The following CADM1 variants were observed in gnomAD, a reference collection of about 807,000 sequenced individuals.
CADM1 encodes TSLC-1.
A neutral mutation model predicts 53.1 loss-of-function variants in CADM1; 15 were observed. The observed-to-expected ratio is 0.28, with a 90% CI of 0.19 to 0.44. CADM1 has a LOEUF of 0.44. Among genes scored for constraint, CADM1 ranks in the 20% least tolerant of loss-of-function variants. The probability of loss-of-function intolerance (pLI) is 1.00; values close to 1 mark genes in which losing one functional copy is unlikely to be tolerated. For synonymous variants in CADM1, 281 were observed against 243.0 expected (o/e 1.16, Z -1.45); for missense variants, 434 against 611.3 (o/e 0.71, Z 3.06).
At chr11:115,192,828 T>C (rs1939947023) in intron 9 of CADM1, among the ~76,000 whole-genome samples, 1 of 152,256 alleles carries the variant, frequency 6.6e-6, no homozygotes, top group Non-Finnish European at 1.5e-5. Flanking sequence ...ACAGTTGATA[T>C]ACACCTCATT....
At chr11:115,455,391 G>C (rs1443451864) in intron 1 of CADM1, among the ~76,000 whole-genome samples, 2 of 147,966 alleles carry the variant, frequency 1.4e-5, no homozygotes, top group South Asian at 2.1e-4. Flanking sequence ...TACTTCAAAG[G>C]CAAAAAAAAA....
intron 1 of CADM1, among the ~76,000 whole-genome samples, chr11:115,500,872 G>A (rs1323441581): frequency 6.6e-6 from 1 of 152,150 alleles, no homozygotes; most frequent in Admixed American, 6.6e-5. Flanking sequence ...GCAGTGAGCC[G>A]GGGACCAACT....
intron 1 of CADM1, among the ~76,000 whole-genome samples, chr11:115,307,207 C>T (rs1565355641): frequency 6.6e-6 from 1 of 151,856 alleles, no homozygotes; most frequent in South Asian, 2.1e-4. Flanking sequence ...TAGATATGCC[C>T]CTAACCCATT....
At chr11:115,270,100 C>T (rs1943255565) in intron 1 of CADM1, among the ~76,000 whole-genome samples, 1 of 152,216 alleles carries the variant, frequency 6.6e-6, no homozygotes, top group Non-Finnish European at 1.5e-5. Context: ...ATTTAAGTAG[C>T]ACAGCAGGCC....
chr11:115,227,768 G>A (rs1269963713), intron 5 of CADM1, among the ~76,000 whole-genome samples: 1 of 152,194 alleles, frequency 6.6e-6, no homozygotes, highest in African/African-American at 2.4e-5. Context: ...ACGGAGTTAA[G>A]AAAAGGTTGG....
At chr11:115,479,348 A>T (rs1394613658) in intron 1 of CADM1, among the ~76,000 whole-genome samples, 1 of 152,144 alleles carries the variant, frequency 6.6e-6, no homozygotes, top group African/African-American at 2.4e-5. Context: ...AATACTTTTA[A>T]ATCCCACTTT....
In CADM1 at chr11:115,391,872, A is replaced by T. The variant is rs115243407; in HGVS notation, c.124+112399T>A. Among the ~76,000 whole-genome samples the T allele has an allele frequency of 3.2e-3, 482 of 152,304 alleles. 2 individuals are homozygous for T. Among genetic ancestry groups the T allele is most frequent in the African/African-American group, 0.011 (454 of 41,554 alleles). ...AGATCAACTTACAGACCCCTTCAAC[A>T]GTGTACAGCAGGGCTCTGGACCAAG... On this transcript the variant is annotated intron_variant, in intron 1 of 11. Coordinates refer to ENST00000331581, the MANE Select transcript of CADM1 (RefSeq NM_001301043.2).
intron 1 of CADM1, among the ~76,000 whole-genome samples, chr11:115,285,981 G>C (rs762171393): frequency 6.6e-6 from 1 of 152,070 alleles, no homozygotes; most frequent in African/African-American, 2.4e-5. Context: ...GTTTTGAGGG[G>C]AAAATGAAAT....
intron 3 of CADM1, among the ~76,000 whole-genome samples, chr11:115,234,872 G>A (rs961394846): frequency 4.1e-5 from 5 of 122,532 alleles, no homozygotes; most frequent in Admixed American, 1.2e-4. Flanking sequence ...CAGCCTGGGC[G>A]ACACAGGGAG....
intron 1 of CADM1, among the ~76,000 whole-genome samples, chr11:115,462,796 C>T (rs915159880): frequency 4.6e-5 from 7 of 152,176 alleles, no homozygotes; most frequent in African/African-American, 1.7e-4. Context: ...AAGAGAGGCC[C>T]TTCCAGTTTG....
At chr11:115,194,156 T>G (rs1020398656) in intron 9 of CADM1, 3 of 152,238 alleles carry the variant, frequency 2.0e-5, no homozygotes, top group African/African-American at 7.2e-5. Context: ...CGTGACTGAA[T>G]GACAGCCTTT....
At chr11:115,439,425 T>C (rs1238658092) in intron 1 of CADM1, among the ~76,000 whole-genome samples, 2 of 152,198 alleles carry the variant, frequency 1.3e-5, no homozygotes, top group Admixed American at 6.5e-5. Flanking sequence ...ACTTCAAACA[T>C]CTTTGCCTCC....
intron 1 of CADM1, among the ~76,000 whole-genome samples, chr11:115,326,516 C>A (rs575463722): frequency 1.6e-4 from 24 of 152,256 alleles, no homozygotes; most frequent in Non-Finnish European, 2.2e-4. Context: ...CACTAAATAT[C>A]TTCTCAAACC....
chr11:115,484,604 A>G (rs1283417793), intron 1 of CADM1, among the ~76,000 whole-genome samples: 1 of 152,180 alleles, frequency 6.6e-6, no homozygotes, highest in East Asian at 1.9e-4. Flanking sequence ...ATACCATGGT[A>G]AAGACACAAT....
chr11:115,504,125 G>T, intron 1 of CADM1, 146 bp downstream of exon 1: 2 of 1,228,532 alleles, frequency 1.6e-6, no homozygotes, highest in Non-Finnish European at 2.3e-6. Flanking sequence ...TTCCCTCTCA[G>T]CCCTGAGTTT....
At chr11:115,403,658 G>A (rs978514112) in intron 1 of CADM1, among the ~76,000 whole-genome samples, 1 of 151,886 alleles carries the variant, frequency 6.6e-6, no homozygotes. Context: ...GTTCAGTGGC[G>A]CTATCTCGGC....
chr11:115,187,247 G>C (rs1436570866), intron 10 of CADM1, among the ~76,000 whole-genome samples: 2 of 152,066 alleles, frequency 1.3e-5, no homozygotes, highest in African/African-American at 4.8e-5. Context: ...TTTATGTGGG[G>C]GTTAGGAAAG....
At chr11:115,309,413 G>T (rs1431547700) in intron 1 of CADM1, among the ~76,000 whole-genome samples, 1 of 152,058 alleles carries the variant, frequency 6.6e-6, no homozygotes, top group African/African-American at 2.4e-5. Flanking sequence ...AAGAATAGGT[G>T]AATTGGGGAA....
rs538996348 is a variant in CADM1, at chr11:115,473,051, T to G, written c.124+31220A>C. 4.6e-4 allele frequency among the ~76,000 whole-genome samples: 70 copies of G among 152,286 alleles called. No individual in the cohort carries two copies. In the Middle Eastern group the frequency reaches 0.017, roughly 37 times the overall value. On this transcript the variant is annotated intron_variant, in intron 1 of 11. Transcript: ENST00000331581. Reference sequence around the variant, plus strand: ...TAGCTTCTCAGCACAAGTTTCATAGTCAGAAAACTCGCCCTAGTTTAAGTA... The same window carrying G: ...TAGCTTCTCAGCACAAGTTTCATAGGCAGAAAACTCGCCCTAGTTTAAGTA...
Sources: gnomAD v4.1 joint callset for allele counts (sites outside exome capture counted in the v4.1 genomes callset) on GRCh38, gnomAD v4.1.1 for gene constraint, MANE v1.5 for transcripts, NCBI Gene and HGNC (gene_info 2026-07-23, HGNC 2026-07-21) for gene names.